SUN3: variants seen among roughly 807,000 people sequenced by gnomAD.
SUN3 encodes the protein Sad1 and UNC84 domain containing 3.
Under a neutral mutation model 48.2 loss-of-function variants are expected in SUN3, and 36 were observed. That is an observed-to-expected ratio of 0.75 (90% CI 0.57 to 0.99). SUN3 has a LOEUF of 0.99. SUN3 is among the 50% of genes least tolerant of loss of function. The pLI, the probability that SUN3 is intolerant of heterozygous loss-of-function variation, is 0.00. For synonymous variants in SUN3, 148 were observed against 147.9 expected, an observed-to-expected ratio of 1.00 and a Z score of 0.00; for missense variants, 419 against 433.1, an observed-to-expected ratio of 0.97 and a Z score of 0.29.
At chr7:47,994,232 C>T (rs1379552867) in intron 8 of SUN3, 83 bp downstream of exon 8, 2 of 1,345,146 alleles carry the variant, frequency 1.5e-6, no homozygotes, top group Non-Finnish European at 2.1e-6. Flanking sequence ...GTTATCTGTC[C>T]TAGTTCAGAG....
chr7:47,997,738 A>G (rs1472181360), intron 6 of SUN3, among the ~76,000 whole-genome samples: 3 of 151,252 alleles, frequency 2.0e-5, no homozygotes, highest in Non-Finnish European at 2.9e-5. Context: ...ATTTCCCTCA[A>G]CCTCTCTCCC....
chr7:48,026,581 A>AACACACACACACAC (rs112192395), intron 1 of SUN3, among the ~76,000 whole-genome samples: 59 of 145,726 alleles, frequency 4.0e-4, no homozygotes, highest in African/African-American at 1.4e-3. Context: ...CCCACCCCCC[A>AACACACACACACAC]ACACACACAC....
chr7:47,996,182 A>G lies in SUN3; in HGVS notation c.578-36T>C, dbSNP rs1482111826. ...AAAGTAAGTTGTAAAATAAAGAAAC[A>G]ACATACACAATTCAAAACACATCAT... On this transcript the variant is annotated intron_variant, in intron 6 of 9. Coordinates refer to ENST00000297325, the MANE Select transcript of SUN3 (RefSeq NM_001030019.2). 2.5e-6 allele frequency: 3 copies of G among 1,186,574 alleles called. No individual in the cohort carries two copies. The South Asian group carries it at 4.1e-5, about 16-fold the overall frequency. The allele number at this position is 1,186,574 out of a possible 1,614,324, so 73.5% of individuals were successfully genotyped here.
chr7:48,003,123 G>A (rs1441021514), intron 6 of SUN3, among the ~76,000 whole-genome samples: 1 of 152,010 alleles, frequency 6.6e-6, no homozygotes, highest in African/African-American at 2.4e-5. Flanking sequence ...TCCAATTTCA[G>A]TCTTCTGCAT....
intron 6 of SUN3, among the ~76,000 whole-genome samples, chr7:48,000,868 G>GTTT (rs143433372): frequency 0.2 from 29,053 of 143,620 alleles, 4,106 homozygotes; most frequent in African/African-American, 0.4. Context: ...TAAATTTATG[G>GTTT]TTTTTTTTTT....
chr7:48,035,479 G>C, the SUN3 span: 2 of 696,306 alleles, frequency 2.9e-6, no homozygotes, highest in African/African-American at 3.5e-5. The surrounding 1 kb of genome is among the most constrained non-coding windows in gnomAD (Gnocchi z 4.0). Flanking sequence ...GCGCCCGCCG[G>C]TTGGCCGTTC....
Position 47,994,426 on chromosome 7 carries a change from T to G in SUN3, c.750A>C (p.Leu250=). 6.2e-7 allele frequency: 1 copy of G among 1,613,252 alleles called. No individual in the cohort carries two copies. The highest frequency in any genetic ancestry group is 8.5e-7 in the Non-Finnish European group (1 of 1,179,644). The change falls in exon 8 of 10, where the codon CTA becomes CTC. Residue 250 remains leucine, a synonymous_variant. Transcript: ENST00000297325. ...GTATGATCTTTGTAGCAAGCTTGAT[T>G]AGGGTATGACCCTGGGAACCTGGAA... ...WAFPGSQGHT[L]IKLATKIIPT...
chr7:48,031,458 G>A (rs1790255789), upstream of SUN3, among the ~76,000 whole-genome samples: 1 of 152,170 alleles, frequency 6.6e-6, no homozygotes, highest in Admixed American at 6.5e-5. Context: ...TTGAGCCCAG[G>A]AGTTTGAGAC....
the SUN3 span, among the ~76,000 whole-genome samples, chr7:48,035,330 T>C: frequency 6.6e-6 from 1 of 151,820 alleles, no homozygotes; most frequent in African/African-American, 2.4e-5. The surrounding 1 kb of genome is among the most constrained non-coding windows in gnomAD (Gnocchi z 4.0). Context: ...CGGTTCCCCG[T>C]GGCATCGCTG....
chr7:47,989,070 A>G (rs764794377), intron 8 of SUN3, 190 bp from the exon 9 acceptor site: 16 of 415,420 alleles, frequency 3.9e-5, no homozygotes, highest in Non-Finnish European at 6.5e-5. Context: ...TGATCACGGG[A>G]CTGACTAAAA....
At chr7:48,025,982 T>C (rs1003357777) in intron 1 of SUN3, 44 bp from the exon 2 acceptor site, 4 of 1,379,382 alleles carry the variant, frequency 2.9e-6, no homozygotes, top group African/African-American at 1.4e-5. Flanking sequence ...TTTAACAACA[T>C]CATGCATTTA....
intron 3 of SUN3, among the ~76,000 whole-genome samples, chr7:48,012,228 T>C (rs1163005659): frequency 6.6e-6 from 1 of 152,182 alleles, no homozygotes; most frequent in African/African-American, 2.4e-5. Context: ...GATATTGTTT[T>C]CAGCAACAAA....
intron 2 of SUN3, chr7:48,018,667 A>T (rs1296556588): frequency 1.3e-5 from 2 of 153,618 alleles, no homozygotes; most frequent in East Asian, 3.8e-4. Context: ...CAAACAAGTG[A>T]TTGCAGCCCT....
At chr7:48,011,878 T>C (rs1343110954) in intron 3 of SUN3, among the ~76,000 whole-genome samples, 1 of 152,194 alleles carries the variant, frequency 6.6e-6, no homozygotes, top group Non-Finnish European at 1.5e-5. Flanking sequence ...AACCTACTCG[T>C]GCCTGAAATT....
upstream of SUN3, among the ~76,000 whole-genome samples, chr7:48,033,208 T>G (rs1473209137): frequency 6.6e-6 from 1 of 152,354 alleles, no homozygotes; most frequent in Middle Eastern, 3.4e-3. Context: ...CATGGCATCA[T>G]TACCTACATT....
At chr7:48,031,244 G>A (rs7357327), upstream of SUN3, among the ~76,000 whole-genome samples, 71,047 of 152,096 alleles carry the variant, frequency 0.47, 17,304 homozygotes, top group African/African-American at 0.61. Flanking sequence ...TTTTTTTCCA[G>A]AGAAGACATA....
intron 6 of SUN3, among the ~76,000 whole-genome samples, chr7:47,997,544 C>T (rs1789247355): frequency 6.6e-6 from 1 of 152,122 alleles, no homozygotes; most frequent in African/African-American, 2.4e-5. Flanking sequence ...TTCATTTTCT[C>T]ATTCATTAAA....
At chr7:48,013,659 A>ATCCATTACAT (rs1471605817) in intron 3 of SUN3, among the ~76,000 whole-genome samples, 5 of 152,234 alleles carry the variant, frequency 3.3e-5, no homozygotes, top group Non-Finnish European at 7.3e-5. Context: ...ATATTTTATC[A>ATCCATTACAT]TCCATTACAT....
chr7:48,018,328 A>C (rs1252869077), intron 2 of SUN3, among the ~76,000 whole-genome samples: 1 of 152,210 alleles, frequency 6.6e-6, no homozygotes, highest in Non-Finnish European at 1.5e-5. Context: ...CTAACCACTG[A>C]GATAGTGGAA....
Sources: gnomAD v4.1 joint callset for allele counts (sites outside exome capture counted in the v4.1 genomes callset) on GRCh38, gnomAD v4.1.1 for gene constraint, Gnocchi (gnomAD v3.1) non-coding constraint, MANE v1.5 for transcripts, NCBI Gene and HGNC (gene_info 2026-07-23, HGNC 2026-07-21) for gene names.